The following CT45A10 variants were observed in gnomAD, a reference collection of about 807,000 sequenced individuals.
The protein encoded by CT45A10 is cancer/testis antigen family 45 member A10.
Under a neutral mutation model 8.3 loss-of-function variants are expected in CT45A10, and 19 were observed. The observed-to-expected ratio is 2.30, with a 90% CI of 1.61 to 3.38. The LOEUF (loss-of-function observed/expected upper bound fraction) is 3.38, where lower values mean the gene tolerates loss of function less well. Among genes scored for constraint, CT45A10 ranks in the 30% most tolerant of loss-of-function variants. The probability of loss-of-function intolerance (pLI) is 0.00; values close to 1 mark genes in which losing one functional copy is unlikely to be tolerated. For missense variants in CT45A10, 149 were observed against 85.9 expected, an observed-to-expected ratio of 1.73 and a Z score of -2.90; for synonymous variants, 28 against 26.5, an observed-to-expected ratio of 1.06 and a Z score of -0.17.
Position 135,882,612 on chromosome X carries a change from C to T in CT45A10, c.436G>A (p.Glu146Lys), listed in dbSNP as rs1295004626. Residue 146 changes from glutamate to lysine, a missense_variant, in exon 4 of 5, where the codon GAA (glutamate) becomes AAA (lysine). By Grantham distance (56) the Glu-to-Lys change is moderately conservative (BLOSUM62 1). Coordinates refer to ENST00000682849, the MANE Select transcript of CT45A10 (RefSeq NM_001291529.2). ...GGTCCTTGCACTCCTTCAAGCATTTCGAAGATTTTTTCATATTCTGAAGAT... is the reference window on the plus strand; with the variant it reads ...GGTCCTTGCACTCCTTCAAGCATTTTGAAGATTTTTTCATATTCTGAAGAT... Reference protein sequence around the residue: ...CLGRKYEKIFEMLEGVQGPTA... With the variant: ...CLGRKYEKIFKMLEGVQGPTA... 7 of 1,161,702 alleles carry T rather than the reference C, an allele frequency of 6.0e-6. No individual in the cohort carries two copies. The Admixed American group carries it at 1.1e-4, about 19-fold the overall frequency.
chrX:135,883,744 G>C (rs1249829323), intron 2 of CT45A10, among the ~76,000 whole-genome samples: 1 of 70,560 alleles, frequency 1.4e-5, no homozygotes, highest in Admixed American at 1.8e-4. Context: ...CAACTCAACC[G>C]GTCTCCTGTT....
chrX:135,892,038 T>G (rs1340429520), intron 1 of CT45A10, among the ~76,000 whole-genome samples: 2 of 88,208 alleles, frequency 2.3e-5, no homozygotes, highest in Non-Finnish European at 4.5e-5. Flanking sequence ...AAACAATAAA[T>G]AGCTGGGCGC....
chrX:135,883,068 G>C lies in CT45A10; in HGVS notation c.358C>G (p.Gln120Glu). Residue 120 changes from glutamine (Q) to glutamate (E), a missense_variant, in exon 3 of 5, where the codon CAA (glutamine) becomes GAA (glutamate). Transcript: ENST00000682849. ...CATTTTATATCAGCATTAATTTCTT[G>C]TTGGCTTTTGGGAGAGGAGGCTATT... is the stretch of plus-strand genomic sequence containing the variant. ...RGIASSPKSQQEINADIKCQV... is the reference protein window; with the variant it reads ...RGIASSPKSQEEINADIKCQV... 3 of 1,198,612 alleles carry C rather than the reference G, an allele frequency of 2.5e-6. No individual in the cohort carries two copies. The highest frequency in any genetic ancestry group is 3.0e-5 in the East Asian group (1 of 33,641).
intron 2 of CT45A10, 62 bp from the exon 3 acceptor site, chrX:135,883,318 C>A (rs2148060725): frequency 1.7e-6 from 2 of 1,192,807 alleles, no homozygotes; most frequent in East Asian, 5.9e-5. Context: ...CTTTCCCCTC[C>A]ACATAAACCT....
chrX:135,891,517 G>T (rs1389240385), intron 1 of CT45A10, among the ~76,000 whole-genome samples: 2 of 109,194 alleles, frequency 1.8e-5, no homozygotes, highest in Non-Finnish European at 3.8e-5. Flanking sequence ...AATAAAATTT[G>T]GGGGGAAAAG....
intron 2 of CT45A10, 139 bp from the exon 3 acceptor site, chrX:135,883,395 C>T: frequency 1.9e-6 from 2 of 1,060,527 alleles, no homozygotes; most frequent in South Asian, 2.1e-5. Flanking sequence ...TTCATCACCC[C>T]TCTGGGTACA....
At position 135,882,936 on chromosome X, in the gene CT45A10, T is replaced by C. The variant is rs1486509073; in HGVS notation, c.418+72A>G. On this transcript the variant is annotated intron_variant, in intron 3 of 4. Transcript: ENST00000682849. ...AAAGAATGAGCCTCAAGAGGTAACATGGATATCTTCTGAATCATAGAAAGA... is the reference window on the plus strand; with the variant it reads ...AAAGAATGAGCCTCAAGAGGTAACACGGATATCTTCTGAATCATAGAAAGA... 7.1e-6 allele frequency: 8 copies of C among 1,132,243 alleles called. No homozygotes were observed. The African/African-American group carries it at 1.3e-4, about 18-fold the overall frequency. 93.3% of individuals were successfully genotyped at this position (1,132,243 alleles called of 1,213,427 possible).
At chrX:135,891,014 G>A (rs1239585942) in intron 1 of CT45A10, among the ~76,000 whole-genome samples, 13 of 111,793 alleles carry the variant, frequency 1.2e-4, no homozygotes, top group African/African-American at 4.2e-4. Context: ...TTTACCACAG[G>A]AGAGCTCCTG....
chrX:135,890,288 G>C (rs2088488343), intron 1 of CT45A10, among the ~76,000 whole-genome samples: 1 of 112,703 alleles, frequency 8.9e-6, no homozygotes, highest in Admixed American at 9.4e-5. Flanking sequence ...TGCCTGCCCT[G>C]TAGAGCATCC....
chrX:135,882,797 A>T (rs2088395333), intron 3 of CT45A10, among the ~76,000 whole-genome samples, 168 bp from the exon 4 acceptor site: 1 of 101,049 alleles, frequency 9.9e-6, no homozygotes. Flanking sequence ...GCACATACAT[A>T]CGAATGTAAC....
At position 135,892,699 on chromosome X, in the gene CT45A10, A is replaced by G. The variant is rs191025938; in HGVS notation, c.-7+646T>C. 1.2e-3 allele frequency among the ~76,000 whole-genome samples: 134 copies of G among 112,053 alleles called. No individual in the cohort carries two copies. In the Middle Eastern group the frequency reaches 0.019, roughly 15 times the overall value. On this transcript the variant is annotated intron_variant, in intron 1 of 4. Transcript: ENST00000682849. Reference sequence around the variant, plus strand: ...CCACAGATAATAATTTTAAAAACCCAGCACCAAGAGAAAGCGTCTGGTAAG... The same window carrying G: ...CCACAGATAATAATTTTAAAAACCCGGCACCAAGAGAAAGCGTCTGGTAAG...
At position 135,882,559 on chromosome X, in the gene CT45A10, T is replaced by G; in HGVS notation, c.489A>C (p.Glu163Asp). ...GPTAVRKRFFESIIKEAARCM... is the reference protein window; with the variant it reads ...GPTAVRKRFFDSIIKEAARCM... ...ACCTTGCTGCTTCCTTGATGATGGA[T>G]TCAAAAAATCGTTTCCTGACTGCAG... Residue 163 changes from glutamate (E) to aspartate (D), a missense_variant, in exon 4 of 5, where the codon GAA becomes GAC. By Grantham distance (45) the Glu-to-Asp change is conservative. Coordinates refer to ENST00000682849, the MANE Select transcript of CT45A10 (RefSeq NM_001291529.2). 8.8e-7 allele frequency: 1 copy of G among 1,137,936 alleles called. No individual in the cohort carries two copies. The highest frequency in any genetic ancestry group is 1.2e-6 in the Non-Finnish European group (1 of 854,211). 93.8% of individuals were successfully genotyped at this position (1,137,936 alleles called of 1,213,427 possible).
chrX:135,883,128 T>G lies in CT45A10; in HGVS notation c.298A>C (p.Ser100Arg), dbSNP rs1420216234. ...TCTAGGTCATCTCCAGAGAAATTGC[T>G]GGTAACGTTTCCTCCCACAGGTGCA... ...SNAPVGGNVT[S>R]NFSGDDLECR... The change falls in exon 3 of 5, where the codon AGC (serine) becomes CGC (arginine). Residue 100 changes from serine to arginine, a missense_variant. Coordinates refer to ENST00000682849, the MANE Select transcript of CT45A10 (RefSeq NM_001291529.2). 1 of 1,197,516 alleles carries G rather than the reference T, an allele frequency of 8.4e-7. No individual in the cohort carries two copies. The highest frequency in any genetic ancestry group is 1.8e-5 in the African/African-American group (1 of 56,515).
rs1344727362 is a variant in CT45A10 at position 135,883,379 on chromosome X, G to T, written c.170-123C>A. 6 of 1,142,019 alleles carry T rather than the reference G, an allele frequency of 5.3e-6. No homozygotes were observed. In the Admixed American group the frequency reaches 9.1e-5, roughly 17 times the overall value. The allele number at this position is 1,142,019 out of a possible 1,213,427, so 94.1% of individuals were successfully genotyped here. On this transcript the variant is annotated intron_variant, in intron 2 of 4. Coordinates refer to ENST00000682849, the MANE Select transcript of CT45A10 (RefSeq NM_001291529.2). ...ACTGAGAAGTTGAGCTGTGAGATAC[G>T]TGTGTTTCATCACCCCTCTGGGTAC... is the stretch of plus-strand genomic sequence containing the variant.
At chrX:135,890,823 G>A (rs186199020) in intron 1 of CT45A10, among the ~76,000 whole-genome samples, 1 of 112,122 alleles carries the variant, frequency 8.9e-6, no homozygotes, top group East Asian at 2.8e-4. Context: ...CGAAGGTTTG[G>A]TAAAGCTAAG....
At chrX:135,890,287 T>A (rs2088488307) in intron 1 of CT45A10, among the ~76,000 whole-genome samples, 1 of 112,761 alleles carries the variant, frequency 8.9e-6, no homozygotes, top group Non-Finnish European at 1.9e-5. Context: ...ATGCCTGCCC[T>A]GTAGAGCATC....
Position 135,883,080 on chromosome X carries a change from G to T in CT45A10, c.346C>A (p.Pro116Thr), listed in dbSNP as rs1253449596. 3.3e-6 allele frequency: 4 copies of T among 1,197,075 alleles called. No individual in the cohort carries two copies. Among genetic ancestry groups the T allele is most frequent in the Non-Finnish European group, 4.5e-6 (4 of 885,471 alleles). The change falls in exon 3 of 5, where the codon CCC becomes ACC. Residue 116 changes from proline to threonine, a missense_variant. By Grantham distance (38) the Pro-to-Thr change is conservative (BLOSUM62 -1). Transcript: ENST00000682849. The part of the protein sequence containing the change: ...DLECRGIASS[P>T]KSQQEINADI... The stretch of plus-strand genomic sequence containing the variant: ...GCATTAATTTCTTGTTGGCTTTTGG[G>T]AGAGGAGGCTATTCCTCTGCATTCT...
At position 135,882,931 on chromosome X, in the gene CT45A10, T is replaced by A. The variant is rs1471774183; in HGVS notation, c.418+77A>T. The stretch of plus-strand genomic sequence containing the variant: ...CTGGCAAAGAATGAGCCTCAAGAGG[T>A]AACATGGATATCTTCTGAATCATAG... On this transcript the variant is annotated intron_variant, in intron 3 of 4. Coordinates refer to ENST00000682849, the MANE Select transcript of CT45A10 (RefSeq NM_001291529.2). 5.4e-6 allele frequency: 6 copies of A among 1,115,099 alleles called. 1 individual carries two copies. The highest frequency in any genetic ancestry group is 3.7e-5 in the African/African-American group (2 of 54,359). The allele number at this position is 1,115,099 out of a possible 1,213,427, so 91.9% of individuals were successfully genotyped here. A position where few individuals can be genotyped will look rare whatever the true frequency, so the allele number is the denominator to read the frequency against.
chrX:135,889,751 C>T (rs2088481664), intron 1 of CT45A10, among the ~76,000 whole-genome samples: 1 of 107,765 alleles, frequency 9.3e-6, no homozygotes, highest in Non-Finnish European at 1.9e-5. Context: ...GGAAGGAGAC[C>T]ACTACTACTC....
Sources: allele counts gnomAD v4.1 joint callset (sites outside exome capture counted in the v4.1 genomes callset), GRCh38; gene constraint gnomAD v4.1.1; transcripts MANE v1.5; gene names NCBI Gene and HGNC (gene_info 2026-07-23, HGNC 2026-07-21).